RXRA: variants seen among roughly 807,000 people sequenced by gnomAD.
RXRA encodes the protein retinoid X receptor alpha, also known as retinoic acid receptor RXR-alpha.
A neutral mutation model predicts 44.5 loss-of-function variants in RXRA; 5 were observed. The ratio of observed to expected loss-of-function variants is 0.11; its 90% confidence interval spans 0.06 to 0.24. The LOEUF is 0.24. Among genes scored for constraint, RXRA ranks in the 10% least tolerant of loss-of-function variants. RXRA has a pLI of 1.00. For synonymous variants in RXRA, 291 were observed against 271.4 expected, an observed-to-expected ratio of 1.07 and a Z score of -0.71; for missense variants, 412 against 646.5, an observed-to-expected ratio of 0.64 and a Z score of 3.93.
intron 4 of RXRA, among the ~76,000 whole-genome samples, chr9:134,414,563 G>T (rs1221544000): frequency 6.6e-6 from 1 of 152,282 alleles, no homozygotes; most frequent in Non-Finnish European, 1.5e-5. Flanking sequence ...CAGGCTAGCA[G>T]GCTCTGTGGG....
chr9:134,368,977 ATGTG>A (rs1332033463), intron 1 of RXRA, among the ~76,000 whole-genome samples: 1 of 44,674 alleles, frequency 2.2e-5, no homozygotes, highest in East Asian at 6.4e-4. Context: ...GTGTGGGGTT[ATGTG>A]TGTGTGAGTG....
At chr9:134,394,684 G>C (rs1176103168) in intron 1 of RXRA, among the ~76,000 whole-genome samples, 2 of 152,188 alleles carry the variant, frequency 1.3e-5, no homozygotes, top group Non-Finnish European at 1.5e-5. Flanking sequence ...GAGGCCTCAG[G>C]CAGCACCCCT....
chr9:134,407,519 G>T lies in RXRA; in HGVS notation c.280-630G>T, dbSNP rs1019750329. On this transcript the variant is annotated intron_variant, in intron 2 of 9. Transcript: ENST00000481739. The surrounding 1 kb of genome is among the most constrained non-coding windows in gnomAD (Gnocchi z 4.8). ...TGAGTTTCCCACGCTTGCCCGGGCG[G>T]CAGCGTGCGGGCCGGCGGGTGGGGC... Among the ~76,000 whole-genome samples the T allele has an allele frequency of 6.6e-5, 10 of 152,232 alleles. No individual in the cohort carries two copies. The highest frequency in any genetic ancestry group is 2.4e-4 in the African/African-American group (10 of 41,460).
intron 1 of RXRA, among the ~76,000 whole-genome samples, chr9:134,333,635 G>T (rs1189280902): frequency 6.6e-6 from 1 of 152,194 alleles, no homozygotes; most frequent in East Asian, 1.9e-4. Context: ...TGAGGTTACT[G>T]ATTCAACAGG....
At position 134,349,530 on chromosome 9, in the gene RXRA, G is replaced by A. The variant is rs1254015209; in HGVS notation, c.28+22871G>A. On this transcript the variant is annotated intron_variant, in intron 1 of 9. Transcript: ENST00000481739. This position sits in a 1 kb window ranked among gnomAD's most constrained non-coding sequence, Gnocchi z 4.3. ...GTGGCTCGGCCCTGAAGCTCGTGGCGGGCAGGAGTGTGCACGGACAGGGAC... is the reference window on the plus strand; with the variant it reads ...GTGGCTCGGCCCTGAAGCTCGTGGCAGGCAGGAGTGTGCACGGACAGGGAC... 2.6e-5 allele frequency among the ~76,000 whole-genome samples: 4 copies of A among 152,144 alleles called. No individual in the cohort carries two copies. The highest frequency in any genetic ancestry group is 1.9e-4 in the East Asian group (1 of 5,182).
At chr9:134,382,428 G>C (rs948395673) in intron 1 of RXRA, among the ~76,000 whole-genome samples, 3 of 152,140 alleles carry the variant, frequency 2.0e-5, no homozygotes. Context: ...GCTGGGGGCT[G>C]GGGCGGGGCC....
At chr9:134,429,885 G>T (rs554742890) in intron 7 of RXRA, among the ~76,000 whole-genome samples, 1 of 151,958 alleles carries the variant, frequency 6.6e-6, no homozygotes, top group African/African-American at 2.4e-5. Context: ...CCCTGTCTCT[G>T]CACAGCCTTT....
In RXRA at chr9:134,401,735, G is replaced by C. The variant is rs200082299; in HGVS notation, c.132G>C (p.Pro44=). The C allele has an allele frequency of 6.2e-7, 1 of 1,613,088 alleles. No individual in the cohort carries two copies. The highest frequency in any genetic ancestry group is 1.7e-5 in the Admixed American group (1 of 60,016). ...HPSLGPGIGS[P]GQLHSPISTL... ...CCCTGGGGCCTGGCATCGGCTCCCC[G>C]GGACAGCTGCATTCTCCCATCAGCA... The change falls in exon 2 of 10, where the codon CCG becomes CCC. Residue 44 remains proline, a synonymous_variant. Transcript: ENST00000481739.
At chr9:134,408,092 G>T in intron 2 of RXRA, 57 bp from the exon 3 acceptor site, 1 of 1,392,594 alleles carries the variant, frequency 7.2e-7, no homozygotes, top group Non-Finnish European at 9.7e-7. Flanking sequence ...GGGCCGTGGG[G>T]GACATAGGGA....
At chr9:134,345,776 G>A (rs1170022176) in intron 1 of RXRA, among the ~76,000 whole-genome samples, 5 of 152,186 alleles carry the variant, frequency 3.3e-5, no homozygotes, top group South Asian at 2.1e-4. Context: ...AATGCATGAC[G>A]GGGAAGGTGA....
At chr9:134,430,031 G>A (rs1040779666) in intron 7 of RXRA, among the ~76,000 whole-genome samples, 6 of 152,106 alleles carry the variant, frequency 3.9e-5, no homozygotes, top group African/African-American at 7.2e-5. Flanking sequence ...AACTACAGGC[G>A]CCCGCCACCA....
At position 134,417,151 on chromosome 9, in the gene RXRA, G is replaced by T; in HGVS notation, c.611-7G>T. The T allele has an allele frequency of 1.2e-6, 2 of 1,609,172 alleles. No homozygotes were observed. The highest frequency in any genetic ancestry group is 1.7e-6 in the Non-Finnish European group (2 of 1,179,164). ...CGTGGGGCTCACCTGCGCCTCCCGG[G>T]TTGTAGCCGTGCAGGAGGAGCGGCA... On this transcript the variant is annotated splice_region_variant and splice_polypyrimidine_tract_variant and intron_variant, in intron 4 of 9. Transcript: ENST00000481739. The surrounding 1 kb of genome is among the most constrained non-coding windows in gnomAD (Gnocchi z 6.1).
intron 4 of RXRA, among the ~76,000 whole-genome samples, chr9:134,412,007 G>T (rs1348298525): frequency 1.3e-5 from 2 of 152,134 alleles, no homozygotes; most frequent in Non-Finnish European, 2.9e-5. Flanking sequence ...CCTCCTCCCC[G>T]GCCTGCGTCT....
chr9:134,354,361 T>G (rs782030661), intron 1 of RXRA, among the ~76,000 whole-genome samples: 8 of 152,240 alleles, frequency 5.3e-5, no homozygotes, highest in Non-Finnish European at 7.3e-5. Flanking sequence ...CTGCTGGCTC[T>G]TCTGGGTCCC....
chr9:134,408,061 A>C (rs963937625), intron 2 of RXRA, 88 bp from the exon 3 acceptor site: 1 of 1,012,124 alleles, frequency 9.9e-7, no homozygotes, highest in South Asian at 1.7e-5. Flanking sequence ...TTGGGGGTAC[A>C]GCTGCGCCAT....
chr9:134,385,909 G>A (rs1007035838), intron 1 of RXRA, among the ~76,000 whole-genome samples: 1 of 152,246 alleles, frequency 6.6e-6, no homozygotes, highest in Non-Finnish European at 1.5e-5. Context: ...CTTGTCCTCT[G>A]CCCAGGCCCC....
chr9:134,415,434 C>A (rs1040389610), intron 4 of RXRA, among the ~76,000 whole-genome samples: 1 of 146,706 alleles, frequency 6.8e-6, no homozygotes, highest in African/African-American at 2.7e-5. Flanking sequence ...GATATGTTCT[C>A]CCACCGTTTG....
chr9:134,340,625 G>T (rs1830074900), intron 1 of RXRA, among the ~76,000 whole-genome samples: 1 of 152,198 alleles, frequency 6.6e-6, no homozygotes, highest in African/African-American at 2.4e-5. Context: ...GACGGTCTCG[G>T]TGCATGAGCC....
chr9:134,412,786 G>A (rs1004177417), intron 4 of RXRA, among the ~76,000 whole-genome samples: 4 of 152,124 alleles, frequency 2.6e-5, no homozygotes, highest in African/African-American at 7.2e-5. Context: ...TTCCCAGTCC[G>A]ATGGAAAAGA....
Sources: allele counts gnomAD v4.1 joint callset (sites outside exome capture counted in the v4.1 genomes callset), GRCh38; gene constraint gnomAD v4.1.1; non-coding constraint Gnocchi (gnomAD v3.1); transcripts MANE v1.5; gene names NCBI Gene and HGNC (gene_info 2026-07-23, HGNC 2026-07-21).